POMK: variants seen among roughly 807,000 people sequenced by gnomAD.
POMK encodes Sugen kinase 196.
POMK carries 19 observed loss-of-function variants against 23.0 expected under a neutral mutation model. That is an observed-to-expected ratio of 0.83 (90% CI 0.58 to 1.21). POMK has a LOEUF of 1.21. Ranked by LOEUF, POMK falls within the 50% of genes most tolerant of loss-of-function variation. The pLI is 0.00. For missense variants in POMK, 410 were observed against 431.3 expected (o/e 0.95, Z 0.44); for synonymous variants, 173 against 171.6 (o/e 1.01, Z -0.06).
chr8:43,115,934 G>C (rs896898424), intron 4 of POMK, among the ~76,000 whole-genome samples: 1 of 152,180 alleles, frequency 6.6e-6, no homozygotes, highest in African/African-American at 2.4e-5. Flanking sequence ...GCCACTCCAG[G>C]GCCCTTGGCC....
At chr8:43,097,157 G>T (rs942419255) in intron 1 of POMK, among the ~76,000 whole-genome samples, 1 of 152,216 alleles carries the variant, frequency 6.6e-6, no homozygotes. Flanking sequence ...ATATACACCA[G>T]TGGTTTTCAG....
intron 4 of POMK, among the ~76,000 whole-genome samples, chr8:43,113,268 C>G (rs995536312): frequency 6.6e-6 from 1 of 152,212 alleles, no homozygotes; most frequent in Non-Finnish European, 1.5e-5. Flanking sequence ...TAGATTTGGT[C>G]TTTTCACATA....
intron 1 of POMK, among the ~76,000 whole-genome samples, chr8:43,093,895 A>G (rs1319910473): frequency 6.6e-6 from 1 of 152,218 alleles, no homozygotes; most frequent in South Asian, 2.1e-4. Context: ...AGCCTGGGCA[A>G]CATGGCGGAA....
intron 4 of POMK, among the ~76,000 whole-genome samples, chr8:43,110,559 A>G (rs1176513741): frequency 6.6e-6 from 1 of 152,232 alleles, no homozygotes; most frequent in Non-Finnish European, 1.5e-5. Context: ...TTTCCTAAAC[A>G]TCCCTCTTTT....
chr8:43,107,189 TA>T (rs1181362519), intron 4 of POMK, among the ~76,000 whole-genome samples: 2 of 152,020 alleles, frequency 1.3e-5, no homozygotes, highest in African/African-American at 2.4e-5. Context: ...TCCACAAAAA[TA>T]TTAGGATTTA....
intron 4 of POMK, among the ~76,000 whole-genome samples, chr8:43,113,948 G>A (rs1224008352): frequency 6.6e-6 from 1 of 152,226 alleles, no homozygotes; most frequent in Non-Finnish European, 1.5e-5. Flanking sequence ...CGCGAATGCT[G>A]CTGTCTGATC....
chr8:43,114,054 G>T (rs932110111), intron 4 of POMK, among the ~76,000 whole-genome samples: 1 of 151,940 alleles, frequency 6.6e-6, no homozygotes, highest in African/African-American at 2.4e-5. Context: ...CTGCTTGGGG[G>T]TCAGGGGTCA....
At chr8:43,094,450 A>G (rs910806797) in intron 1 of POMK, among the ~76,000 whole-genome samples, 1 of 152,252 alleles carries the variant, frequency 6.6e-6, no homozygotes, top group Admixed American at 6.5e-5. Context: ...TTGGGTGTTT[A>G]TTCTGCACGA....
chr8:43,108,251 GGGCTTTTACT>G (rs1811583846), intron 4 of POMK, among the ~76,000 whole-genome samples: 1 of 152,090 alleles, frequency 6.6e-6, no homozygotes, highest in African/African-American at 2.4e-5. Context: ...GTTTTCCCAA[GGGCTTTTACT>G]GGCTTTACAA....
At position 43,103,542 on chromosome 8, in the gene POMK, C is replaced by T. The variant is rs755564496; in HGVS notation, c.-7C>T. 8.4e-5 allele frequency: 135 copies of T among 1,613,564 alleles called. No individual in the cohort carries two copies. The highest frequency in any genetic ancestry group is 1.1e-4 in the Non-Finnish European group (127 of 1,179,666). ...GTGTATTTTAGGAAATTGCAGAGGCCGTCAACATGGAAAAGCAGCCCCAGA... is the reference window on the plus strand; with the variant it reads ...GTGTATTTTAGGAAATTGCAGAGGCTGTCAACATGGAAAAGCAGCCCCAGA... On this transcript the variant is annotated 5_prime_UTR_variant, in exon 4 of 5. Transcript: ENST00000331373.
intron 4 of POMK, among the ~76,000 whole-genome samples, chr8:43,109,431 A>T (rs1278812251): frequency 6.6e-6 from 1 of 152,210 alleles, no homozygotes; most frequent in African/African-American, 2.4e-5. Context: ...TAAAAGAGAA[A>T]ACTGAATTTT....
intron 4 of POMK, among the ~76,000 whole-genome samples, chr8:43,105,688 G>T (rs1380715665): frequency 2.0e-5 from 3 of 152,136 alleles, no homozygotes; most frequent in Non-Finnish European, 4.4e-5. Flanking sequence ...TTTTGAGACG[G>T]AGTTTCCCTC....
chr8:43,117,185 A>G (rs1339329414), intron 4 of POMK, among the ~76,000 whole-genome samples: 15 of 152,246 alleles, frequency 9.9e-5, no homozygotes, highest in Admixed American at 9.8e-4. Flanking sequence ...GTCATCAGTT[A>G]AGGCGGGGCA....
chr8:43,116,675 TAAG>T (rs1811805522), intron 4 of POMK, among the ~76,000 whole-genome samples: 1 of 152,212 alleles, frequency 6.6e-6, no homozygotes, highest in Non-Finnish European at 1.5e-5. Flanking sequence ...CCCCACATAA[TAAG>T]AAATCTGCTT....
At chr8:43,114,597 T>G (rs1163760793) in intron 4 of POMK, among the ~76,000 whole-genome samples, 4 of 152,234 alleles carry the variant, frequency 2.6e-5, no homozygotes, top group African/African-American at 9.6e-5. Flanking sequence ...CTTCGGCTCG[T>G]GCACGGTGCG....
chr8:43,106,556 C>CTGGAGTG (rs1811548442), intron 4 of POMK, among the ~76,000 whole-genome samples: 1 of 142,094 alleles, frequency 7.0e-6, no homozygotes, highest in Non-Finnish European at 1.5e-5. Context: ...ATCGCCCAGG[C>CTGGAGTG]TGGAGTGCTG....
At chr8:43,097,651 G>A (rs968493771) in intron 2 of POMK, 36 bp downstream of exon 2, 1 of 152,228 alleles carries the variant, frequency 6.6e-6, no homozygotes, top group Non-Finnish European at 1.5e-5. Flanking sequence ...GCGGGGTGGA[G>A]GGGAAGGGCA....
At chr8:43,109,428 G>GA (rs1811604703) in intron 4 of POMK, among the ~76,000 whole-genome samples, 3 of 152,024 alleles carry the variant, frequency 2.0e-5, no homozygotes. Context: ...TTTTAAAAGA[G>GA]AAAACTGAAT....
At chr8:43,121,468 AGTAAC>A (rs1475550856) in intron 4 of POMK, among the ~76,000 whole-genome samples, 1 of 152,264 alleles carries the variant, frequency 6.6e-6, no homozygotes, top group African/African-American at 2.4e-5. Context: ...TTACAGCTGA[AGTAAC>A]ACCAAACCAC....
Sources: allele counts gnomAD v4.1 joint callset (sites outside exome capture counted in the v4.1 genomes callset), GRCh38; gene constraint gnomAD v4.1.1; transcripts MANE v1.5; gene names NCBI Gene and HGNC (gene_info 2026-07-23, HGNC 2026-07-21).